Variants in FAM3B observed in about 807,000 individuals in gnomAD.
FAM3B encodes protein FAM3B.
FAM3B carries 29 observed loss-of-function variants against 28.4 expected under a neutral mutation model. The observed-to-expected ratio is 1.02, with a 90% CI of 0.76 to 1.39. FAM3B has a LOEUF of 1.39. FAM3B is among the 40% of genes most tolerant of loss of function. The pLI is 0.00. For missense variants in FAM3B, 266 were observed against 293.9 expected, an observed-to-expected ratio of 0.91 and a Z score of 0.69; for synonymous variants, 91 against 103.0, an observed-to-expected ratio of 0.88 and a Z score of 0.71.
At chr21:41,306,882 G>T (rs2088685596) in intron 1 of FAM3B, among the ~76,000 whole-genome samples, 1 of 152,186 alleles carries the variant, frequency 6.6e-6, no homozygotes, top group Non-Finnish European at 1.5e-5. Context: ...GCAATAGGTA[G>T]TATTTCATCC....
chr21:41,352,662 C>T (rs1483580897), intron 7 of FAM3B, among the ~76,000 whole-genome samples: 2 of 151,950 alleles, frequency 1.3e-5, no homozygotes, highest in Admixed American at 6.6e-5. Flanking sequence ...GGCATGGTGG[C>T]GGGCGCCTGT....
At chr21:41,356,589 C>A (rs114331769) in intron 7 of FAM3B, among the ~76,000 whole-genome samples, 3,471 of 152,264 alleles carry the variant, frequency 0.023, 121 homozygotes, top group African/African-American at 0.067. Flanking sequence ...ACTCCATAAG[C>A]AAGTGTGGCT....
intron 7 of FAM3B, among the ~76,000 whole-genome samples, chr21:41,350,001 G>A (rs1023988912): frequency 1.3e-5 from 2 of 152,178 alleles, no homozygotes; most frequent in Non-Finnish European, 2.9e-5. Context: ...TGCCCTAACC[G>A]AGAGGCACTC....
intron 1 of FAM3B, among the ~76,000 whole-genome samples, chr21:41,321,585 C>A (rs373242521): frequency 2.6e-5 from 4 of 152,346 alleles, no homozygotes; most frequent in South Asian, 4.1e-4. Flanking sequence ...GTCTAACAAT[C>A]TTAGCAGTTT....
intron 7 of FAM3B, among the ~76,000 whole-genome samples, chr21:41,356,883 A>T (rs2089171974): frequency 6.6e-6 from 1 of 152,214 alleles, no homozygotes; most frequent in African/African-American, 2.4e-5. Context: ...ATCTTTACAC[A>T]TGATATGGAC....
intron 7 of FAM3B, among the ~76,000 whole-genome samples, chr21:41,356,036 TACATACAC>T (rs1555873668): frequency 0.014 from 1,476 of 104,808 alleles, 24 homozygotes; most frequent in African/African-American, 0.056. Flanking sequence ...GGGAAAAAAA[TACATACAC>T]ACACACACAC....
At chr21:41,325,305 G>A (rs60257543) in intron 2 of FAM3B, among the ~76,000 whole-genome samples, 3,220 of 152,156 alleles carry the variant, frequency 0.021, 139 homozygotes, top group African/African-American at 0.074. Context: ...TGGTTTTTGC[G>A]GACTGGACTT....
intron 2 of FAM3B, among the ~76,000 whole-genome samples, chr21:41,324,668 G>A (rs146398222): frequency 1.1e-3 from 174 of 152,300 alleles, no homozygotes; most frequent in African/African-American, 4.0e-3. Context: ...TCTCTGGGCC[G>A]TGGTCTGAGT....
intron 7 of FAM3B, among the ~76,000 whole-genome samples, chr21:41,351,795 G>C (rs934544724): frequency 6.6e-6 from 1 of 152,194 alleles, no homozygotes; most frequent in Non-Finnish European, 1.5e-5. Context: ...GAATTTTAAA[G>C]TATAAGGAAC....
chr21:41,351,334 A>C (rs2089118845), intron 7 of FAM3B, among the ~76,000 whole-genome samples: 1 of 152,226 alleles, frequency 6.6e-6, no homozygotes, highest in South Asian at 2.1e-4. Context: ...AGTGAATTTC[A>C]GGAAAATGCC....
chr21:41,316,601 G>A, upstream of FAM3B: 1 of 353,530 alleles, frequency 2.8e-6, no homozygotes, highest in Non-Finnish European at 5.1e-6. Context: ...CCCTGGCCCG[G>A]GGTCAGCCCG....
chr21:41,325,286 T>C (rs2088846147), intron 2 of FAM3B, among the ~76,000 whole-genome samples: 1 of 152,172 alleles, frequency 6.6e-6, no homozygotes, highest in African/African-American at 2.4e-5. Flanking sequence ...TTTGATGGCT[T>C]CTGGTCTTTG....
chr21:41,330,019 G>C (rs2088890326), intron 2 of FAM3B, among the ~76,000 whole-genome samples: 1 of 151,108 alleles, frequency 6.6e-6, no homozygotes, highest in Non-Finnish European at 1.5e-5. Flanking sequence ...AGAGTTAGTT[G>C]TTGTTAATTT....
intron 4 of FAM3B, among the ~76,000 whole-genome samples, chr21:41,345,047 T>C (rs1029066901): frequency 1.3e-5 from 2 of 152,170 alleles, no homozygotes; most frequent in Non-Finnish European, 2.9e-5. Flanking sequence ...AACGTCCCTG[T>C]GAGTGAGTGG....
chr21:41,316,711 A>G, upstream of FAM3B: 1 of 464,912 alleles, frequency 2.2e-6, no homozygotes, highest in South Asian at 5.6e-5. Context: ...CGCCCCGCGC[A>G]CCTGCCGGGT....
chr21:41,326,254 A>G lies in FAM3B; in HGVS notation c.163+3188A>G, dbSNP rs1246701339. On this transcript the variant is annotated intron_variant, in intron 2 of 7. Coordinates refer to ENST00000357985, the MANE Select transcript of FAM3B (RefSeq NM_058186.4). The surrounding 1 kb of genome is among the most constrained non-coding windows in gnomAD (Gnocchi z 4.0). Reference sequence around the variant, plus strand: ...TCCCAGGAGCTGTGTCCACCCTCCAATCCCACACTGAGTTAGGAACATGGT... The same window carrying G: ...TCCCAGGAGCTGTGTCCACCCTCCAGTCCCACACTGAGTTAGGAACATGGT... Among the ~76,000 whole-genome samples the G allele has an allele frequency of 6.6e-6, 1 of 152,134 alleles. No individual in the cohort carries two copies. Among genetic ancestry groups the G allele is most frequent in the African/African-American group, 2.4e-5 (1 of 41,430 alleles).
At chr21:41,351,154 C>T (rs1230801796) in intron 7 of FAM3B, among the ~76,000 whole-genome samples, 1 of 152,126 alleles carries the variant, frequency 6.6e-6, no homozygotes, top group African/African-American at 2.4e-5. Context: ...ATGTTTAAGT[C>T]GTAGAAAACA....
At chr21:41,307,996 C>A (rs117059213) in intron 1 of FAM3B, among the ~76,000 whole-genome samples, 2,985 of 152,116 alleles carry the variant, frequency 0.02, 33 homozygotes, top group Non-Finnish European at 0.032. Flanking sequence ...GTAAAAGATG[C>A]AGTATCTGCA....
intron 5 of FAM3B, 125 bp from the exon 6 acceptor site, chr21:41,346,888 C>T: frequency 6.2e-6 from 5 of 807,812 alleles, no homozygotes; most frequent in East Asian, 2.5e-5. Context: ...GGTTGAGCAG[C>T]GAGCGCTGGG....
Sources: allele counts gnomAD v4.1 joint callset (sites outside exome capture counted in the v4.1 genomes callset), GRCh38; gene constraint gnomAD v4.1.1; non-coding constraint Gnocchi (gnomAD v3.1); transcripts MANE v1.5; gene names NCBI Gene and HGNC (gene_info 2026-07-23, HGNC 2026-07-21).